The following ZBTB20 variants were observed in gnomAD, a reference collection of about 807,000 sequenced individuals.
The protein encoded by ZBTB20 is zinc finger and BTB domain-containing protein 20.
Under a neutral mutation model 56.9 loss-of-function variants are expected in ZBTB20, and 9 were observed. The observed-to-expected ratio is 0.16, with a 90% CI of 0.10 to 0.28. The LOEUF (loss-of-function observed/expected upper bound fraction) is 0.28, where lower values mean the gene tolerates loss of function less well. Among genes scored for constraint, ZBTB20 ranks in the 10% least tolerant of loss-of-function variants. The pLI is 1.00. For synonymous variants in ZBTB20, 417 were observed against 420.7 expected (o/e 0.99, Z 0.11); for missense variants, 655 against 1,003.0 (o/e 0.65, Z 4.69).
intron 7 of ZBTB20, among the ~76,000 whole-genome samples, chr3:114,409,171 C>T (rs1004814564): frequency 1.9e-5 from 2 of 106,476 alleles, no homozygotes; most frequent in Non-Finnish European, 3.5e-5. Context: ...AAAAAGAGCA[C>T]AAGCTTTCTG....
intron 6 of ZBTB20, among the ~76,000 whole-genome samples, chr3:114,501,583 G>A (rs1364303040): frequency 1.2e-4 from 16 of 132,178 alleles, no homozygotes; most frequent in East Asian, 4.8e-4. Context: ...CCCACATCAC[G>A]CCACTGCACT....
At chr3:114,434,541 G>GGGGGTGTGTGTGTGTGTTTGT in intron 7 of ZBTB20, among the ~76,000 whole-genome samples, 1 of 85,736 alleles carries the variant, frequency 1.2e-5, no homozygotes, top group Non-Finnish European at 3.0e-5. Flanking sequence ...CTGCAATTGG[G>GGGGGTGTGTGTGTGTGTTTGT]GTGTGTGTGT....
intron 6 of ZBTB20, among the ~76,000 whole-genome samples, chr3:114,564,405 A>G (rs2953676): frequency 0.62 from 94,786 of 151,856 alleles, 29,962 homozygotes; most frequent in Middle Eastern, 0.72. Flanking sequence ...TATTCTAGGT[A>G]CCCAAATTTC....
intron 2 of ZBTB20, among the ~76,000 whole-genome samples, chr3:114,989,593 T>C (rs922361799): frequency 1.3e-5 from 2 of 152,222 alleles, no homozygotes; most frequent in South Asian, 2.1e-4. Context: ...GGCTCTTTTT[T>C]GGTTCCATAT....
At chr3:114,717,430 C>A (rs1294244142) in intron 5 of ZBTB20, among the ~76,000 whole-genome samples, 1 of 152,082 alleles carries the variant, frequency 6.6e-6, no homozygotes, top group South Asian at 2.1e-4. Flanking sequence ...TGAATCTGAG[C>A]CAGTCCCTTT....
chr3:115,014,815 A>G (rs1403809933), intron 2 of ZBTB20, among the ~76,000 whole-genome samples: 2 of 151,712 alleles, frequency 1.3e-5, no homozygotes, highest in African/African-American at 2.4e-5. Context: ...TCATTTGAGT[A>G]CTTTTCTCAT....
chr3:115,043,716 C>T (rs1316707855), intron 2 of ZBTB20, among the ~76,000 whole-genome samples: 1 of 152,026 alleles, frequency 6.6e-6, no homozygotes, highest in Non-Finnish European at 1.5e-5. Context: ...TAAAGTTTTA[C>T]TCCACATTTT....
rs1309657576 is a variant in ZBTB20 at position 114,949,621 on chromosome 3, A to C, written c.-456+24745T>G. 3.4e-5 allele frequency among the ~76,000 whole-genome samples: 5 copies of C among 145,400 alleles called. 1 individual carries two copies. The East Asian group carries it at 5.8e-4, about 17-fold the overall frequency. ...CATCTCTACTAAAAATACAAAAATT[A>C]ACTGGGCATGGTGGCATAAGCCTGT... is the stretch of plus-strand genomic sequence containing the variant. On this transcript the variant is annotated intron_variant, in intron 3 of 11. Coordinates refer to ENST00000675478, the MANE Select transcript of ZBTB20 (RefSeq NM_001348800.3).
In ZBTB20 at chr3:114,476,841, T is replaced by C. The variant is rs567947122; in HGVS notation, c.-255+23511A>G. Among the ~76,000 whole-genome samples, 7 of 152,356 alleles carry C rather than the reference T, an allele frequency of 4.6e-5. No individual in the cohort carries two copies. In the South Asian group the frequency reaches 1.4e-3, roughly 32 times the overall value. ...GTGCATAATGGCTTTTGTTTACTTG[T>C]AATTATTTTCTTAGGTTGCAGTTTA... On this transcript the variant is annotated intron_variant, in intron 7 of 11. Transcript: ENST00000675478.
chr3:114,465,023 C>A (rs1247307950), intron 7 of ZBTB20, among the ~76,000 whole-genome samples: 1 of 150,830 alleles, frequency 6.6e-6, no homozygotes, highest in Non-Finnish European at 1.5e-5. Flanking sequence ...TCAAATAGAA[C>A]TAAGTGGAAA....
At chr3:114,359,493 G>A (rs2108301636) in intron 10 of ZBTB20, 1 of 152,276 alleles carries the variant, frequency 6.6e-6, no homozygotes, top group East Asian at 1.9e-4. Context: ...AAGGAAAAAA[G>A]TCAATGAAAT....
intron 10 of ZBTB20, among the ~76,000 whole-genome samples, chr3:114,365,652 C>T (rs553167178): frequency 3.3e-5 from 5 of 152,206 alleles, no homozygotes; most frequent in African/African-American, 4.8e-5. Flanking sequence ...GTTACAGTAA[C>T]GGGAGGTGGG....
chr3:114,326,473 A>T lies in ZBTB20; in HGVS notation c.*12532T>A, dbSNP rs2079068535. ...AGTGCTATTTGAAATGGAAGATAAGATTTTTTGGAGGAAAAATTCCTTCAT... is the reference window on the plus strand; with the variant it reads ...AGTGCTATTTGAAATGGAAGATAAGTTTTTTTGGAGGAAAAATTCCTTCAT... On this transcript the variant is annotated 3_prime_UTR_variant, in exon 12 of 12. Transcript: ENST00000675478. 1 of 152,032 alleles carries T rather than the reference A, an allele frequency of 6.6e-6. No individual in the cohort carries two copies. The highest frequency in any genetic ancestry group is 1.5e-5 in the Non-Finnish European group (1 of 67,994). The allele number at this position is 152,032 out of a possible 1,614,324, so 9.4% of individuals were successfully genotyped here.
chr3:114,550,098 T>C (rs912990294), intron 6 of ZBTB20, among the ~76,000 whole-genome samples: 8 of 150,982 alleles, frequency 5.3e-5, no homozygotes, highest in Non-Finnish European at 8.9e-5. Context: ...CCACCATGCC[T>C]AGCTAATTTT....
At chr3:114,470,094 G>A (rs1421961289) in intron 7 of ZBTB20, among the ~76,000 whole-genome samples, 1 of 151,896 alleles carries the variant, frequency 6.6e-6, no homozygotes, top group Non-Finnish European at 1.5e-5. Flanking sequence ...ATAGAAAAAG[G>A]GAGTCTCTTT....
intron 4 of ZBTB20, among the ~76,000 whole-genome samples, chr3:114,892,184 G>A: frequency 6.6e-6 from 1 of 152,170 alleles, no homozygotes; most frequent in East Asian, 1.9e-4. Flanking sequence ...ACAGTGGTTA[G>A]TTTAGACCTT....
At chr3:114,852,905 G>A (rs774832486) in intron 4 of ZBTB20, among the ~76,000 whole-genome samples, 12 of 152,062 alleles carry the variant, frequency 7.9e-5, no homozygotes, top group Admixed American at 2.0e-4. Flanking sequence ...CAACTCGACC[G>A]TGCACATTGT....
At chr3:114,648,070 G>A (rs1251853540) in intron 6 of ZBTB20, among the ~76,000 whole-genome samples, 1 of 151,870 alleles carries the variant, frequency 6.6e-6, no homozygotes, top group African/African-American at 2.4e-5. Flanking sequence ...AATGTATTTT[G>A]TGCTATGTTT....
intron 1 of ZBTB20, among the ~76,000 whole-genome samples, chr3:115,082,426 C>T (rs1041410297): frequency 6.6e-6 from 1 of 152,114 alleles, no homozygotes; most frequent in African/African-American, 2.4e-5. Flanking sequence ...CATTTATATA[C>T]CTTGCTGCAC....
Sources: allele counts gnomAD v4.1 joint callset (sites outside exome capture counted in the v4.1 genomes callset), GRCh38; gene constraint gnomAD v4.1.1; transcripts MANE v1.5; gene names NCBI Gene and HGNC (gene_info 2026-07-23, HGNC 2026-07-21).